IL1RAPL1: variants seen among roughly 807,000 people sequenced by gnomAD.
The protein encoded by IL1RAPL1 is interleukin 1 receptor accessory protein like 1.
Under a neutral mutation model 48.4 loss-of-function variants are expected in IL1RAPL1, and 3 were observed. That is an observed-to-expected ratio of 0.06 (90% CI 0.03 to 0.16). IL1RAPL1 has a LOEUF of 0.16. IL1RAPL1 is among the 10% of genes least tolerant of loss of function. The pLI, the probability that IL1RAPL1 is intolerant of heterozygous loss-of-function variation, is 1.00. For synonymous variants in IL1RAPL1, 185 were observed against 187.7 expected, an observed-to-expected ratio of 0.99 and a Z score of 0.12; for missense variants, 349 against 530.6, an observed-to-expected ratio of 0.66 and a Z score of 3.36.
At chrX:29,542,116 A>C (rs1921459157) in intron 5 of IL1RAPL1, among the ~76,000 whole-genome samples, 1 of 111,131 alleles carries the variant, frequency 9.0e-6, no homozygotes, top group Non-Finnish European at 1.9e-5. Context: ...CATCCAAAAC[A>C]TCCAAGCTCA....
chrX:29,764,616 T>A (rs932982257), intron 6 of IL1RAPL1, among the ~76,000 whole-genome samples: 6 of 111,652 alleles, frequency 5.4e-5, no homozygotes, highest in African/African-American at 2.0e-4. Flanking sequence ...AAAAAGGAGG[T>A]TGGAAGCACT....
intron 5 of IL1RAPL1, among the ~76,000 whole-genome samples, chrX:29,593,528 A>T (rs1923448833): frequency 8.9e-6 from 1 of 111,967 alleles, no homozygotes; most frequent in Admixed American, 9.5e-5. Context: ...TCACTGACAG[A>T]CATGCTTAAT....
intron 5 of IL1RAPL1, among the ~76,000 whole-genome samples, chrX:29,598,002 T>C (rs1412030880): frequency 1.7e-5 from 1 of 60,481 alleles, no homozygotes; most frequent in African/African-American, 6.5e-5. Flanking sequence ...TTATCTTTTG[T>C]AATTTTTTGT....
chrX:29,005,943 C>A (rs771163517), intron 2 of IL1RAPL1, among the ~76,000 whole-genome samples: 62 of 111,940 alleles, frequency 5.5e-4, no homozygotes, highest in African/African-American at 2.0e-3. Flanking sequence ...CTAAATAGAT[C>A]TTACTTATAA....
In IL1RAPL1 at chrX:29,062,886, AT is replaced by A. The variant is rs1210719109; in HGVS notation, c.83-220050del. On this transcript the variant is annotated intron_variant, in intron 2 of 10. Transcript: ENST00000378993. ...ATTTTGTCTGGTTTTCATGGAAAAA[AT>A]TGCAAAGTCTCATTTATTTTCTAAG... Among the ~76,000 whole-genome samples the A allele has an allele frequency of 3.6e-5, 4 of 111,588 alleles. No individual in the cohort carries two copies. The Admixed American group carries it at 3.8e-4, about 11-fold the overall frequency.
chrX:28,911,220 G>C (rs1384060736), intron 2 of IL1RAPL1, among the ~76,000 whole-genome samples: 1 of 111,028 alleles, frequency 9.0e-6, no homozygotes, highest in Non-Finnish European at 1.9e-5. Flanking sequence ...GTCATCTTTT[G>C]TTTATACGGT....
chrX:29,092,894 C>T (rs1187551171), intron 2 of IL1RAPL1, among the ~76,000 whole-genome samples: 1 of 111,690 alleles, frequency 9.0e-6, no homozygotes, highest in Non-Finnish European at 1.9e-5. Context: ...TGAAATCAAT[C>T]CTGGCAACAT....
intron 5 of IL1RAPL1, among the ~76,000 whole-genome samples, chrX:29,617,381 C>A (rs1042788258): frequency 1.8e-5 from 2 of 109,043 alleles, no homozygotes; most frequent in Admixed American, 1.9e-4. Flanking sequence ...ATAGAGGAAA[C>A]ATAAGTGAGT....
chrX:29,789,528 G>GA (rs767378899), intron 6 of IL1RAPL1, among the ~76,000 whole-genome samples: 1 of 111,556 alleles, frequency 9.0e-6, no homozygotes, highest in Non-Finnish European at 1.9e-5. Flanking sequence ...CTGGAAAATA[G>GA]AAAAAAATCG....
chrX:28,911,013 A>C (rs1923347265), intron 2 of IL1RAPL1, among the ~76,000 whole-genome samples: 1 of 111,242 alleles, frequency 9.0e-6, no homozygotes, highest in African/African-American at 3.3e-5. Context: ...CAGAATACTA[A>C]TGGGTGATTA....
chrX:29,313,286 T>C lies in IL1RAPL1; in HGVS notation c.362+30069T>C, dbSNP rs746117319. Among the ~76,000 whole-genome samples, 388 of 96,801 alleles carry C rather than the reference T, an allele frequency of 4.0e-3. 2 individuals carry two copies. The highest frequency in any genetic ancestry group is 6.1e-3 in the Non-Finnish European group (275 of 45,016). 84.1% of individuals were successfully genotyped at this position (96,801 alleles called of 115,157 possible). A position where few individuals can be genotyped will look rare whatever the true frequency, so the allele number is the denominator to read the frequency against. The stretch of plus-strand genomic sequence containing the variant: ...GTGTGTGTGTGTGTGTGTGTGTGTG[T>C]GCGCGCGCACATGCATTCTCACGCT... On this transcript the variant is annotated intron_variant, in intron 3 of 10. Coordinates refer to ENST00000378993, the MANE Select transcript of IL1RAPL1 (RefSeq NM_014271.4).
chrX:29,548,382 G>A (rs1181599735), intron 5 of IL1RAPL1, among the ~76,000 whole-genome samples: 2 of 111,829 alleles, frequency 1.8e-5, no homozygotes, highest in Admixed American at 1.9e-4. Context: ...ACAGGTTTAC[G>A]TTTGCGCATA....
intron 6 of IL1RAPL1, among the ~76,000 whole-genome samples, chrX:29,867,895 G>T (rs760937908): frequency 5.0e-4 from 56 of 112,162 alleles, no homozygotes; most frequent in African/African-American, 7.4e-4. Flanking sequence ...AGAACGTGGA[G>T]ATTTTATAAT....
intron 6 of IL1RAPL1, among the ~76,000 whole-genome samples, chrX:29,845,997 C>T (rs1425925431): frequency 1.8e-5 from 2 of 111,276 alleles, no homozygotes; most frequent in African/African-American, 6.5e-5. Flanking sequence ...AACCCACCCC[C>T]ATGAACCAAT....
chrX:29,381,833 A>AAAAAAAATAT (rs1365599735), intron 3 of IL1RAPL1, among the ~76,000 whole-genome samples: 1 of 25,384 alleles, frequency 3.9e-5, no homozygotes, highest in Non-Finnish European at 8.0e-5. Flanking sequence ...AAAAAAAAAA[A>AAAAAAAATAT]ATATATATAT....
chrX:28,925,875 C>T (rs1004118944), intron 2 of IL1RAPL1, among the ~76,000 whole-genome samples: 7 of 111,751 alleles, frequency 6.3e-5, no homozygotes, highest in Non-Finnish European at 1.3e-4. Context: ...GAGCCAAGAT[C>T]GTGCTATTGC....
At chrX:28,593,978 G>A in intron 1 of IL1RAPL1, among the ~76,000 whole-genome samples, 1 of 110,829 alleles carries the variant, frequency 9.0e-6, no homozygotes, top group South Asian at 3.8e-4. Flanking sequence ...AAATTATTAT[G>A]AATATAATAA....
chrX:28,769,026 C>T (rs1445250633), intron 1 of IL1RAPL1, among the ~76,000 whole-genome samples: 1 of 107,120 alleles, frequency 9.3e-6, no homozygotes, highest in African/African-American at 3.4e-5. Context: ...AATCAGCAGT[C>T]TCAAATGAGT....
At chrX:29,916,544 C>A (rs367695820) in intron 6 of IL1RAPL1, among the ~76,000 whole-genome samples, 31 of 111,624 alleles carry the variant, frequency 2.8e-4, no homozygotes, top group Non-Finnish European at 4.9e-4. Context: ...TCCAGACTTA[C>A]AAGACCCCAT....
Sources: gnomAD v4.1 joint callset for allele counts (sites outside exome capture counted in the v4.1 genomes callset) on GRCh38, gnomAD v4.1.1 for gene constraint, MANE v1.5 for transcripts, NCBI Gene and HGNC (gene_info 2026-07-23, HGNC 2026-07-21) for gene names.